UTRN: variants seen among roughly 807,000 people sequenced by gnomAD.
UTRN encodes the protein dystrophin-related protein 1.
UTRN carries 283 observed loss-of-function variants against 463.9 expected under a neutral mutation model. The observed-to-expected ratio is 0.61, with a 90% CI of 0.55 to 0.67. The LOEUF is 0.67. UTRN is among the 30% of genes least tolerant of loss of function. The probability of loss-of-function intolerance (pLI) is 0.00; values close to 1 mark genes in which losing one functional copy is unlikely to be tolerated. For missense variants in UTRN, 3,922 were observed against 4,084.3 expected, an observed-to-expected ratio of 0.96 and a Z score of 1.08; for synonymous variants, 1,442 against 1,431.5, an observed-to-expected ratio of 1.01 and a Z score of -0.17.
chr6:144,599,118 G>T (rs944787378), intron 51 of UTRN, among the ~76,000 whole-genome samples: 6 of 152,232 alleles, frequency 3.9e-5, no homozygotes, highest in East Asian at 3.9e-4. Flanking sequence ...AAGGCACAAA[G>T]CACTGTGTAA....
chr6:144,412,762 T>TACACACACACAC (rs149751810), intron 3 of UTRN, among the ~76,000 whole-genome samples: 261 of 144,350 alleles, frequency 1.8e-3, no homozygotes, highest in African/African-American at 6.6e-3. Flanking sequence ...ACACACACCA[T>TACACACACACAC]ACACACACAC....
chr6:144,344,777 G>A (rs1777428587), intron 2 of UTRN, among the ~76,000 whole-genome samples: 1 of 152,210 alleles, frequency 6.6e-6, no homozygotes, highest in Non-Finnish European at 1.5e-5. Flanking sequence ...TGAGAAAGGG[G>A]AGAATAAAAC....
At chr6:144,407,619 A>G (rs865839861) in intron 3 of UTRN, among the ~76,000 whole-genome samples, 29 of 152,360 alleles carry the variant, frequency 1.9e-4, no homozygotes, top group African/African-American at 6.5e-4. Context: ...GTGAAGAAAA[A>G]TAAGACTTAA....
At chr6:144,633,679 A>G (rs1394923030) in intron 51 of UTRN, among the ~76,000 whole-genome samples, 3 of 152,138 alleles carry the variant, frequency 2.0e-5, no homozygotes, top group Non-Finnish European at 4.4e-5. Context: ...AAAGCAATCT[A>G]AGTACCATTT....
At chr6:144,405,486 GA>G (rs1451972282) in intron 3 of UTRN, among the ~76,000 whole-genome samples, 6 of 149,432 alleles carry the variant, frequency 4.0e-5, no homozygotes, top group Non-Finnish European at 7.4e-5. Context: ...GATAGAACAA[GA>G]AAAAAAAATA....
intron 46 of UTRN, among the ~76,000 whole-genome samples, chr6:144,547,106 A>T (rs964732723): frequency 6.6e-6 from 1 of 152,178 alleles, no homozygotes; most frequent in African/African-American, 2.4e-5. Context: ...CACTTTTCTG[A>T]TGGTGGTCCT....
chr6:144,521,993 A>G lies in UTRN; in HGVS notation c.5555A>G (p.Gln1852Arg). ...CTGTTTTTGTAGGCAATCCCTATTC[A>G]ACAGAGGAAAATGGGTCAACTTGCT... ...RYNKIKAIPI[Q>R]QRKMGQLASG... is the part of the protein sequence containing the mutation. The change falls in exon 40 of 75, where the codon CAA becomes CGA. Residue 1852 changes from glutamine (Q) to arginine (R), a missense_variant. Around this residue, in one of 3 missense-constraint regions of UTRN, gnomAD observed 2,349 missense variants for 2,303.8 expected, o/e 1.02. Transcript: ENST00000367545. 1 of 1,564,644 alleles carries G rather than the reference A, an allele frequency of 6.4e-7. No homozygotes were observed. The highest frequency in any genetic ancestry group is 1.2e-5 in the South Asian group (1 of 81,734).
rs116393421 is a variant in UTRN, at chr6:144,741,351, A to G, written c.7940-6895A>G. ...TGTGGCAAGAAATAAAAGACTTTGA[A>G]TCTAAAACTCCTGTCCTTTGATTCT... On this transcript the variant is annotated intron_variant, in intron 54 of 74. Coordinates refer to ENST00000367545, the MANE Select transcript of UTRN (RefSeq NM_007124.3). Among the ~76,000 whole-genome samples the G allele has an allele frequency of 3.8e-3, 578 of 152,270 alleles. 4 individuals carry two copies. The highest frequency in any genetic ancestry group is 0.013 in the African/African-American group (551 of 41,564).
At chr6:144,672,464 T>C (rs1351455887) in intron 51 of UTRN, among the ~76,000 whole-genome samples, 1 of 151,982 alleles carries the variant, frequency 6.6e-6, no homozygotes, top group East Asian at 1.9e-4. Context: ...ACATTGTTCA[T>C]GGTAGCCTTG....
intron 2 of UTRN, among the ~76,000 whole-genome samples, chr6:144,326,535 G>A (rs1406535286): frequency 6.6e-6 from 1 of 152,116 alleles, no homozygotes; most frequent in African/African-American, 2.4e-5. Flanking sequence ...GATGATGATG[G>A]GAGTGTTTTC....
chr6:144,736,688 C>A (rs1271184895), intron 54 of UTRN, among the ~76,000 whole-genome samples: 1 of 152,114 alleles, frequency 6.6e-6, no homozygotes, highest in African/African-American at 2.4e-5. Context: ...ATAAAAACTG[C>A]CCGTAGTGCA....
intron 23 of UTRN, among the ~76,000 whole-genome samples, chr6:144,467,517 A>T (rs1790080247): frequency 6.6e-6 from 1 of 152,148 alleles, no homozygotes; most frequent in Non-Finnish European, 1.5e-5. Flanking sequence ...AAGCCTGGTT[A>T]TCCTAAGTGG....
intron 60 of UTRN, among the ~76,000 whole-genome samples, chr6:144,776,090 GGCCACTCCTGGA>G (rs1164505426): frequency 1.3e-5 from 2 of 152,084 alleles, no homozygotes; most frequent in Non-Finnish European, 2.9e-5. Context: ...AAGGCCTCTG[GGCCACTCCTGGA>G]GCTCATCAGT....
At chr6:144,741,611 C>CT (rs1295807860) in intron 54 of UTRN, among the ~76,000 whole-genome samples, 1 of 152,128 alleles carries the variant, frequency 6.6e-6, no homozygotes, top group Non-Finnish European at 1.5e-5. Context: ...AGTGACCCAT[C>CT]TGTTGATGTC....
chr6:144,434,661 G>A (rs538693355), intron 9 of UTRN, among the ~76,000 whole-genome samples: 1 of 152,226 alleles, frequency 6.6e-6, no homozygotes, highest in Non-Finnish European at 1.5e-5. Flanking sequence ...AAATCCAATA[G>A]GAGTAGATGA....
At chr6:144,756,825 A>T (rs137999040) in intron 57 of UTRN, among the ~76,000 whole-genome samples, 96 of 152,202 alleles carry the variant, frequency 6.3e-4, no homozygotes, top group African/African-American at 2.2e-3. Flanking sequence ...ATCACATCTG[A>T]GCTCGACCGT....
chr6:144,554,925 T>G, intron 49 of UTRN, 32 bp downstream of exon 49: 1 of 1,608,934 alleles, frequency 6.2e-7, no homozygotes, highest in African/African-American at 1.3e-5. Flanking sequence ...TTGGCAGTAT[T>G]GTTTTGTTGG....
chr6:144,832,716 T>C (rs1433012536), intron 69 of UTRN, among the ~76,000 whole-genome samples: 1 of 152,216 alleles, frequency 6.6e-6, no homozygotes, highest in Non-Finnish European at 1.5e-5. Flanking sequence ...TGTCCTTATA[T>C]TAGTTCTTAT....
At chr6:144,414,761 G>A in intron 3 of UTRN, among the ~76,000 whole-genome samples, 1 of 151,220 alleles carries the variant, frequency 6.6e-6, no homozygotes, top group Non-Finnish European at 1.5e-5. Flanking sequence ...TGTTGCCCAG[G>A]CTGGAGTGCA....
Sources: allele counts gnomAD v4.1 joint callset (sites outside exome capture counted in the v4.1 genomes callset), GRCh38; gene constraint gnomAD v4.1.1; regional missense constraint gnomAD v4.1.1; transcripts MANE v1.5; gene names NCBI Gene and HGNC (gene_info 2026-07-23, HGNC 2026-07-21).